Variants in AQP1 observed in about 807,000 individuals in gnomAD.
The protein encoded by AQP1 is aquaporin-1.
AQP1 carries 11 observed loss-of-function variants against 19.7 expected under a neutral mutation model. The ratio of observed to expected loss-of-function variants is 0.56; its 90% CI spans 0.35 to 0.92. The LOEUF (loss-of-function observed/expected upper bound fraction) is 0.92. Ranked by LOEUF, AQP1 falls within the 40% of genes least tolerant of loss-of-function variation. The probability of loss-of-function intolerance (pLI) is 0.01; values close to 1 mark genes in which losing one functional copy is unlikely to be tolerated. For missense variants in AQP1, 320 were observed against 369.7 expected (o/e 0.87, Z 1.10); for synonymous variants, 159 against 166.7 (o/e 0.95, Z 0.36).
At chr7:30,913,503 T>TG (rs1241368035) in intron 1 of AQP1, 2 of 152,006 alleles carry the variant, frequency 1.3e-5, no homozygotes, top group Admixed American at 1.3e-4. Context: ...CATGTGGGTG[T>TG]GGGGACGGTG....
At chr7:30,917,991 A>G (rs1450500609) in intron 1 of AQP1, among the ~76,000 whole-genome samples, 3 of 150,140 alleles carry the variant, frequency 2.0e-5, no homozygotes, top group African/African-American at 7.5e-5. Context: ...CAGTTCCTTT[A>G]TAGATTTTTA....
chr7:30,912,054 A>G lies in AQP1; in HGVS notation c.145A>G (p.Asn49Asp). 1.9e-6 allele frequency: 3 copies of G among 1,613,470 alleles called. No homozygotes were observed. ...VGNNQTAVQD[N>D]VKVSLAFGLS... Reference sequence around the variant, plus strand: ...GAACAACCAGACGGCGGTCCAGGACAACGTGAAGGTGTCGCTGGCCTTCGG... The same window carrying G: ...GAACAACCAGACGGCGGTCCAGGACGACGTGAAGGTGTCGCTGGCCTTCGG... The change falls in exon 1 of 4, where the codon AAC (asparagine) becomes GAC (aspartate). Residue 49 changes from asparagine (N) to aspartate (D), a missense_variant. Coordinates refer to ENST00000311813, the MANE Select transcript of AQP1 (RefSeq NM_198098.4). The surrounding 1 kb of genome is among the most constrained non-coding windows in gnomAD (Gnocchi z 4.3).
chr7:30,914,197 G>A (rs1013625378), intron 1 of AQP1, among the ~76,000 whole-genome samples: 1 of 152,200 alleles, frequency 6.6e-6, no homozygotes, highest in African/African-American at 2.4e-5. Flanking sequence ...ACTTGGGCTG[G>A]GCGTGTTGCA....
chr7:30,921,626 T>A, intron 1 of AQP1: 1 of 1,550,662 alleles, frequency 6.4e-7, no homozygotes, highest in Non-Finnish European at 8.7e-7. Context: ...GACTTTTGGG[T>A]ATGAAGCCGT....
At position 30,924,481 on chromosome 7, in the gene AQP1, T is replaced by C. The variant is rs1198859514; in HGVS notation, c.*852T>C. 6.5e-6 allele frequency: 1 copy of C among 152,720 alleles called. No individual in the cohort carries two copies. The highest frequency in any genetic ancestry group is 1.5e-5 in the Non-Finnish European group (1 of 68,422). 9.5% of individuals were successfully genotyped at this position (152,720 alleles called of 1,614,324 possible). Reference sequence around the variant, plus strand: ...AGAGGCTTCCCTACACAGGGCCTGCTATTGCAGAATGAAGCCATTTAGAGG... The same window carrying C: ...AGAGGCTTCCCTACACAGGGCCTGCCATTGCAGAATGAAGCCATTTAGAGG... On this transcript the variant is annotated 3_prime_UTR_variant, in exon 4 of 4. Transcript: ENST00000311813.
chr7:30,918,912 C>A (rs576876068), intron 1 of AQP1, among the ~76,000 whole-genome samples: 1 of 152,318 alleles, frequency 6.6e-6, no homozygotes, highest in East Asian at 1.9e-4. Context: ...GACTATGGGG[C>A]AAGGATCCTG....
intron 1 of AQP1, among the ~76,000 whole-genome samples, chr7:30,915,573 G>T (rs1791324008): frequency 6.6e-6 from 1 of 152,070 alleles, no homozygotes; most frequent in African/African-American, 2.4e-5. Context: ...TGAGGGCTCA[G>T]GATTCGGGCC....
intron 1 of AQP1, 91 bp from the exon 2 acceptor site, chr7:30,921,975 T>G: frequency 3.8e-6 from 6 of 1,591,994 alleles, no homozygotes; most frequent in Non-Finnish European, 5.1e-6. Context: ...CCTTCATGCC[T>G]GGGCCTGGGA....
chr7:30,918,318 A>T (rs1791411070), intron 1 of AQP1, among the ~76,000 whole-genome samples: 1 of 152,214 alleles, frequency 6.6e-6, no homozygotes, highest in Admixed American at 6.5e-5. Context: ...TTTAAAATGT[A>T]ATTATTGTGT....
In AQP1 at chr7:30,911,948, A is replaced by C. The variant is rs748606187; in HGVS notation, c.39A>C (p.Ala13=). 5 of 1,613,352 alleles carry C rather than the reference A, an allele frequency of 3.1e-6. No individual in the cohort carries two copies. The highest frequency in any genetic ancestry group is 4.2e-6 in the Non-Finnish European group (5 of 1,180,046). The part of the protein sequence containing the change: ...SEFKKKLFWR[A]VVAEFLATTL... Reference sequence around the variant, plus strand: ...TCAAGAAGAAGCTCTTCTGGAGGGCAGTGGTGGCCGAGTTCCTGGCCACGA... The same window carrying C: ...TCAAGAAGAAGCTCTTCTGGAGGGCCGTGGTGGCCGAGTTCCTGGCCACGA... Residue 13 remains alanine (A), a synonymous_variant, in exon 1 of 4, where the codon GCA becomes GCC. Transcript: ENST00000311813.
intron 1 of AQP1, 197 bp from the exon 2 acceptor site, chr7:30,921,869 C>T: frequency 6.5e-7 from 1 of 1,536,946 alleles, no homozygotes. Context: ...GTTTCATTAA[C>T]ACAGGGGGTG....
chr7:30,912,292 A>T lies in AQP1; in HGVS notation c.383A>T (p.Asp128Val). The change falls in exon 1 of 4, where the codon GAC becomes GTC. Residue 128 changes from aspartate (D) to valine (V), a missense_variant and splice_region_variant. By Grantham distance (152) the Asp-to-Val change is radical. Coordinates refer to ENST00000311813, the MANE Select transcript of AQP1 (RefSeq NM_198098.4). The surrounding 1 kb of genome is among the most constrained non-coding windows in gnomAD (Gnocchi z 4.3). ...SLTGNSLGRN[D>V]LADGVNSGQG... ...ACTGGGAACTCGCTTGGCCGCAATG[A>T]CGTGAGTGGGGTGTCCCTGGGCTTG... 6.3e-7 allele frequency: 1 copy of T among 1,599,962 alleles called. No homozygotes were observed. The highest frequency in any genetic ancestry group is 8.5e-7 in the Non-Finnish European group (1 of 1,178,924).
At chr7:30,915,758 C>T (rs1353802393) in intron 1 of AQP1, among the ~76,000 whole-genome samples, 4 of 152,144 alleles carry the variant, frequency 2.6e-5, no homozygotes, top group Non-Finnish European at 4.4e-5. Flanking sequence ...TGACTGAAGC[C>T]CTAAGTTCTC....
chr7:30,923,562 G>C lies in AQP1; in HGVS notation c.743G>C (p.Gly248Ala). The change falls in exon 4 of 4, where the codon GGC (glycine) becomes GCC (alanine). Residue 248 changes from glycine to alanine, a missense_variant. Coordinates refer to ENST00000311813, the MANE Select transcript of AQP1 (RefSeq NM_198098.4). This position sits in a 1 kb window ranked among gnomAD's most constrained non-coding sequence, Gnocchi z 4.8. ...LTDRVKVWTS[G>A]QVEEYDLDAD... Reference sequence around the variant, plus strand: ...GACCGCGTGAAGGTGTGGACCAGCGGCCAGGTGGAGGAGTATGACCTGGAT... The same window carrying C: ...GACCGCGTGAAGGTGTGGACCAGCGCCCAGGTGGAGGAGTATGACCTGGAT... The C allele has an allele frequency of 3.7e-6, 6 of 1,614,120 alleles. No homozygotes were observed. Among genetic ancestry groups the C allele is most frequent in the Non-Finnish European group, 5.1e-6 (6 of 1,180,026 alleles).
chr7:30,922,213 C>G lies in AQP1; in HGVS notation c.532C>G (p.Leu178Val). Residue 178 changes from leucine to valine, a missense_variant, in exon 2 of 4, where the codon CTT becomes GTT. Leu to Val is a conservative substitution (Grantham distance 32). Coordinates refer to ENST00000311813, the MANE Select transcript of AQP1 (RefSeq NM_198098.4). ...CCTTGCCATCGGCCTCTCTGTAGCC[C>G]TTGGACACCTCCTGGCTGTGAGTCA... ...APLAIGLSVA[L>V]GHLLAIDYTG... The G allele has an allele frequency of 1.2e-6, 2 of 1,606,896 alleles. No homozygotes were observed. The highest frequency in any genetic ancestry group is 1.7e-6 in the Non-Finnish European group (2 of 1,179,358).
At chr7:30,922,419 T>C in intron 2 of AQP1, 145 bp from the exon 3 acceptor site, 1 of 1,279,108 alleles carries the variant, frequency 7.8e-7, no homozygotes, top group Non-Finnish European at 1.1e-6. Context: ...CCTGCCCAGC[T>C]TGGGGTCAGC....
intron 1 of AQP1, among the ~76,000 whole-genome samples, chr7:30,918,018 G>A (rs538030418): frequency 6.7e-6 from 1 of 149,782 alleles, no homozygotes; most frequent in Middle Eastern, 3.4e-3. Context: ...TTTTTGAGAC[G>A]GAGTCTCACT....
chr7:30,921,635 G>A (rs537605954), intron 1 of AQP1: 23 of 1,550,776 alleles, frequency 1.5e-5, no homozygotes, highest in East Asian at 4.9e-5. Context: ...GTATGAAGCC[G>A]TGTCCCCTGC....
chr7:30,923,318 G>A lies in AQP1; in HGVS notation c.631-132G>A. ...CACCGGAATCATGATGTTAGGATTT[G>A]GCTCTCCTACCTGCCTCCATCCCAG... On this transcript the variant is annotated intron_variant, in intron 3 of 3. Transcript: ENST00000311813. The surrounding 1 kb of genome is among the most constrained non-coding windows in gnomAD (Gnocchi z 4.8). The A allele has an allele frequency of 1.3e-6, 2 of 1,513,206 alleles. No homozygotes were observed. Among genetic ancestry groups the A allele is most frequent in the Non-Finnish European group, 1.8e-6 (2 of 1,125,560 alleles). The allele number at this position is 1,513,206 out of a possible 1,614,324, so 93.7% of individuals were successfully genotyped here. A position where few individuals can be genotyped will look rare whatever the true frequency, so the allele number is the denominator to read the frequency against.
Sources: gnomAD v4.1 joint callset for allele counts (sites outside exome capture counted in the v4.1 genomes callset) on GRCh38, gnomAD v4.1.1 for gene constraint, Gnocchi (gnomAD v3.1) non-coding constraint, MANE v1.5 for transcripts, NCBI Gene and HGNC (gene_info 2026-07-23, HGNC 2026-07-21) for gene names.